GALNT13: variants seen among roughly 807,000 people sequenced by gnomAD.
GALNT13 encodes UDP-GalNAc:polypeptide N-acetylgalactosaminyltransferase 13.
A neutral mutation model predicts 64.2 loss-of-function variants in GALNT13; 28 were observed. The observed-to-expected ratio is 0.44, with a 90% CI of 0.32 to 0.60. The LOEUF (loss-of-function observed/expected upper bound fraction) is 0.60, where lower values mean the gene tolerates loss of function less well. Among genes scored for constraint, GALNT13 ranks in the 20% least tolerant of loss-of-function variants. The pLI, the probability that GALNT13 is intolerant of heterozygous loss-of-function variation, is 0.05. For synonymous variants in GALNT13, 214 were observed against 224.6 expected, an observed-to-expected ratio of 0.95 and a Z score of 0.42; for missense variants, 577 against 669.8, an observed-to-expected ratio of 0.86 and a Z score of 1.53.
intron 11 of GALNT13, among the ~76,000 whole-genome samples, chr2:154,411,813 C>T (rs1431319377): frequency 6.6e-6 from 1 of 151,584 alleles, no homozygotes; most frequent in Non-Finnish European, 1.5e-5. Context: ...ACTAGAAGAA[C>T]ATTGTTGTGT....
the GALNT13 span, among the ~76,000 whole-genome samples, chr2:153,653,778 T>C: frequency 6.6e-6 from 1 of 152,168 alleles, no homozygotes; most frequent in Non-Finnish European, 1.5e-5. Context: ...GCCTAACATT[T>C]TTTCTGCCTA....
chr2:154,189,668 G>C (rs1686460930), intron 4 of GALNT13, among the ~76,000 whole-genome samples: 1 of 151,304 alleles, frequency 6.6e-6, no homozygotes, highest in Non-Finnish European at 1.5e-5. Context: ...GCAAATTAGA[G>C]GTTTACATAG....
At chr2:153,107,174 A>G in the GALNT13 span, among the ~76,000 whole-genome samples, 3 of 152,158 alleles carry the variant, frequency 2.0e-5, no homozygotes, top group Admixed American at 1.3e-4. Context: ...ACAGTGAATT[A>G]TTTGAGCTTT....
At chr2:154,256,663 C>T (rs1237829318) in intron 7 of GALNT13, among the ~76,000 whole-genome samples, 1 of 152,112 alleles carries the variant, frequency 6.6e-6, no homozygotes, top group Non-Finnish European at 1.5e-5. Flanking sequence ...AGATAAATTA[C>T]CTACCCTTAT....
chr2:153,416,415 C>T, the GALNT13 span, among the ~76,000 whole-genome samples: 1 of 152,174 alleles, frequency 6.6e-6, no homozygotes, highest in Non-Finnish European at 1.5e-5. Context: ...ATCCCAATGA[C>T]ACAAAGGCAT....
the GALNT13 span, among the ~76,000 whole-genome samples, chr2:153,463,823 A>G: frequency 2.6e-5 from 4 of 152,072 alleles, no homozygotes; most frequent in Admixed American, 2.0e-4. Flanking sequence ...AGTTGAGACA[A>G]AACAGTAGTT....
chr2:153,546,301 A>T, the GALNT13 span, among the ~76,000 whole-genome samples: 87,455 of 152,104 alleles, frequency 0.57, 28,255 homozygotes, highest in African/African-American at 0.86. Flanking sequence ...AGAATGATTG[A>T]AGAAGAGAGG....
the GALNT13 span, among the ~76,000 whole-genome samples, chr2:153,859,319 C>A: frequency 1.3e-5 from 2 of 152,166 alleles, no homozygotes; most frequent in Admixed American, 6.6e-5. Flanking sequence ...CGTGAAGATA[C>A]TCATACACAC....
intron 3 of GALNT13, among the ~76,000 whole-genome samples, chr2:154,040,423 A>T (rs932053870): frequency 7.1e-6 from 1 of 140,908 alleles, no homozygotes; most frequent in Non-Finnish European, 1.6e-5. Flanking sequence ...AGTATAAATT[A>T]ATTGATAATG....
chr2:153,633,374 C>T, the GALNT13 span, among the ~76,000 whole-genome samples: 1 of 152,118 alleles, frequency 6.6e-6, no homozygotes, highest in Non-Finnish European at 1.5e-5. Flanking sequence ...CATTATCTCA[C>T]CAAGTAGTCA....
At chr2:154,288,603 A>G (rs967337106) in intron 8 of GALNT13, among the ~76,000 whole-genome samples, 1 of 152,188 alleles carries the variant, frequency 6.6e-6, no homozygotes, top group African/African-American at 2.4e-5. Context: ...GGCTGTTCCA[A>G]ATAGGAGAAA....
chr2:153,356,381 A>G, the GALNT13 span, among the ~76,000 whole-genome samples: 3 of 152,210 alleles, frequency 2.0e-5, no homozygotes, highest in Admixed American at 2.0e-4. Flanking sequence ...TGGGATAGAA[A>G]GGTCAGTTTT....
intron 2 of GALNT13, among the ~76,000 whole-genome samples, chr2:153,916,372 G>A (rs1388612593): frequency 1.3e-5 from 2 of 152,050 alleles, no homozygotes; most frequent in South Asian, 2.1e-4. Flanking sequence ...GCCCAGGCTG[G>A]TCTCGAACTC....
intron 4 of GALNT13, among the ~76,000 whole-genome samples, chr2:154,156,106 AC>A (rs1374844626): frequency 6.6e-6 from 1 of 151,666 alleles, no homozygotes; most frequent in African/African-American, 2.4e-5. Flanking sequence ...AGACATTTTC[AC>A]TAAAATGTCA....
At chr2:153,762,894 T>G in the GALNT13 span, among the ~76,000 whole-genome samples, 1 of 151,752 alleles carries the variant, frequency 6.6e-6, no homozygotes, top group Non-Finnish European at 1.5e-5. Context: ...ATTTATATTT[T>G]AAAAATCTAG....
chr2:153,395,344 T>C, the GALNT13 span, among the ~76,000 whole-genome samples: 6 of 152,068 alleles, frequency 3.9e-5, no homozygotes, highest in Non-Finnish European at 7.4e-5. Context: ...GGAGTCACGG[T>C]TGTACAGAAT....
At chr2:154,375,372 A>C (rs912149674) in intron 9 of GALNT13, among the ~76,000 whole-genome samples, 6 of 152,140 alleles carry the variant, frequency 3.9e-5, no homozygotes, top group Non-Finnish European at 8.8e-5. Flanking sequence ...GACAAGGAGG[A>C]AACACAGTAA....
At chr2:154,149,209 C>T (rs1398584636) in intron 4 of GALNT13, among the ~76,000 whole-genome samples, 1 of 152,116 alleles carries the variant, frequency 6.6e-6, no homozygotes, top group African/African-American at 2.4e-5. Context: ...GCTTATTTTT[C>T]TCAGGTTTAT....
chr2:154,395,939 T>A, intron 9 of GALNT13, 52 bp from the exon 10 acceptor site: 2 of 1,511,248 alleles, frequency 1.3e-6, no homozygotes, highest in Non-Finnish European at 1.8e-6. Context: ...AGTAAAACAG[T>A]ACTAAAACAA....
Sources: allele counts gnomAD v4.1 joint callset (sites outside exome capture counted in the v4.1 genomes callset), GRCh38; gene constraint gnomAD v4.1.1; transcripts MANE v1.5; gene names NCBI Gene and HGNC (gene_info 2026-07-23, HGNC 2026-07-21).